Variants in GBF1 observed in about 807,000 individuals in gnomAD.
GBF1 encodes Golgi-specific brefeldin A-resistance guanine nucleotide exchange factor 1.
Under a neutral mutation model 210.5 loss-of-function variants are expected in GBF1, and 114 were observed. The observed-to-expected ratio is 0.54, with a 90% confidence interval of 0.47 to 0.63. The LOEUF (loss-of-function observed/expected upper bound fraction) is 0.63, where lower values mean the gene tolerates loss of function less well. Among genes scored for constraint, GBF1 ranks in the 30% least tolerant of loss-of-function variants. The pLI, the probability that GBF1 is intolerant of heterozygous loss-of-function variation, is 0.00. For synonymous variants in GBF1, 850 were observed against 889.2 expected (o/e 0.96, Z 0.78); for missense variants, 1,851 against 2,357.7 (o/e 0.79, Z 4.45).
rs186449947 is a variant in GBF1, at chr10:102,296,380, G to A, written c.163+36264G>A. Reference sequence around the variant, plus strand: ...TCTTCTCTCTTTTTGTAAGATGATAGGGATAAGAGATTCAGCCTTAAACTT... The same window carrying A: ...TCTTCTCTCTTTTTGTAAGATGATAAGGATAAGAGATTCAGCCTTAAACTT... On this transcript the variant is annotated intron_variant, in intron 3 of 39. Transcript: ENST00000369983. 2.6e-5 allele frequency among the ~76,000 whole-genome samples: 4 copies of A among 152,256 alleles called. No individual in the cohort carries two copies. In the East Asian group the frequency reaches 7.7e-4, roughly 29 times the overall value.
intron 3 of GBF1, among the ~76,000 whole-genome samples, chr10:102,277,600 A>T (rs2075104348): frequency 6.6e-6 from 1 of 152,110 alleles, no homozygotes; most frequent in South Asian, 2.1e-4. Context: ...GCTGGTCTCG[A>T]ACTCATGACC....
At chr10:102,291,405 A>G (rs1380853390) in intron 3 of GBF1, among the ~76,000 whole-genome samples, 1 of 152,158 alleles carries the variant, frequency 6.6e-6, no homozygotes, top group Admixed American at 6.6e-5. Context: ...AGTTGAGGAC[A>G]AGGCTGACAC....
chr10:102,379,723 C>T, intron 35 of GBF1, 72 bp downstream of exon 35: 1 of 1,557,286 alleles, frequency 6.4e-7, no homozygotes, highest in Non-Finnish European at 8.9e-7. Context: ...CCTGAAGAGC[C>T]CCTAATGTGA....
chr10:102,293,764 G>GTTTTTTTT (rs1263151407), intron 3 of GBF1, among the ~76,000 whole-genome samples: 721 of 50,844 alleles, frequency 0.014, 209 homozygotes, highest in Non-Finnish European at 0.019. Flanking sequence ...GCTGTAGTAT[G>GTTTTTTTT]TTTTGTGTTT....
In GBF1 at chr10:102,259,042, G is replaced by C; in HGVS notation, c.96+8G>C. Reference sequence around the variant, plus strand: ...AGCACCCATACACCACTGGTAAGTGGGAAATGGATAAATAGCCTGGTCACT... The same window carrying C: ...AGCACCCATACACCACTGGTAAGTGCGAAATGGATAAATAGCCTGGTCACT... On this transcript the variant is annotated splice_region_variant and intron_variant, in intron 2 of 39. Coordinates refer to ENST00000369983, the MANE Select transcript of GBF1 (RefSeq NM_001377137.1). 7.0e-7 allele frequency: 1 copy of C among 1,434,444 alleles called. No individual in the cohort carries two copies. Among genetic ancestry groups the C allele is most frequent in the Non-Finnish European group, 9.8e-7 (1 of 1,016,050 alleles). 88.9% of individuals were successfully genotyped at this position (1,434,444 alleles called of 1,614,324 possible). A position where few individuals can be genotyped will look rare whatever the true frequency, so the allele number is the denominator to read the frequency against.
At chr10:102,293,837 G>A (rs2076683413) in intron 3 of GBF1, among the ~76,000 whole-genome samples, 1 of 128,678 alleles carries the variant, frequency 7.8e-6, no homozygotes, top group Non-Finnish European at 1.6e-5. Flanking sequence ...GAGTGCAGTG[G>A]CGTGATCTCT....
chr10:102,382,259 A>C lies in GBF1; in HGVS notation c.5506A>C (p.Ile1836Leu), dbSNP rs769358166. 6 of 1,613,866 alleles carry C rather than the reference A, an allele frequency of 3.7e-6. No individual in the cohort carries two copies. Among genetic ancestry groups the C allele is most frequent in the Non-Finnish European group, 5.1e-6 (6 of 1,179,950 alleles). ...TLPIILNPAL[I>L]EATSPVPLLA... ...GCCCATCATCCTCAACCCTGCGCTC[A>C]TCGAGGCCACCTCACCAGTGCCCCT... is the stretch of plus-strand genomic sequence containing the variant. The change falls in exon 40 of 40, where the codon ATC becomes CTC. Residue 1836 changes from isoleucine (I) to leucine (L), a missense_variant. This residue lies in a region of GBF1 where 967 missense variants were observed against 1,247.7 expected (regional missense o/e 0.78). Transcript: ENST00000369983.
chr10:102,267,190 C>T (rs745472232), intron 3 of GBF1, among the ~76,000 whole-genome samples: 1 of 152,016 alleles, frequency 6.6e-6, no homozygotes, highest in Non-Finnish European at 1.5e-5. Flanking sequence ...TAGTCATTGT[C>T]AGGAAAAAGA....
rs200621054 is a variant in GBF1 at position 102,363,315 on chromosome 10, C to T, written c.1936C>T (p.His646Tyr). ...CATGGCCTCAGACATCCCAGGCCTGCATCTGCCAGGTGGAGGGCGGCTGCC... is the reference window on the plus strand; with the variant it reads ...CATGGCCTCAGACATCCCAGGCCTGTATCTGCCAGGTGGAGGGCGGCTGCC... ...VGMASDIPGL[H>Y]LPGGGRLPPE... The change falls in exon 16 of 40, where the codon CAT (histidine) becomes TAT (tyrosine). Residue 646 changes from histidine (H) to tyrosine (Y), a missense_variant. Physicochemically the swap from His to Tyr is moderately conservative, Grantham distance 83 (BLOSUM62 2). Transcript: ENST00000369983. The surrounding 1 kb of genome is among the most constrained non-coding windows in gnomAD (Gnocchi z 4.2). 15 of 1,613,830 alleles carry T rather than the reference C, an allele frequency of 9.3e-6. No individual in the cohort carries two copies. The East Asian group carries it at 2.7e-4, about 29-fold the overall frequency.
chr10:102,346,398 C>T (rs1345920308), intron 4 of GBF1, among the ~76,000 whole-genome samples: 1 of 152,232 alleles, frequency 6.6e-6, no homozygotes, highest in Non-Finnish European at 1.5e-5. Context: ...CAAAAGGTTA[C>T]ATCATTTATA....
At chr10:102,341,945 A>G (rs2058209432) in intron 3 of GBF1, among the ~76,000 whole-genome samples, 3 of 152,062 alleles carry the variant, frequency 2.0e-5, no homozygotes, top group African/African-American at 4.8e-5. Flanking sequence ...TGTCAAATAT[A>G]CCTCATGACC....
In GBF1 at chr10:102,368,079, G is replaced by C. The variant is rs542760407; in HGVS notation, c.2643-139G>C. On this transcript the variant is annotated intron_variant, in intron 21 of 39. Coordinates refer to ENST00000369983, the MANE Select transcript of GBF1 (RefSeq NM_001377137.1). ...TCTTTCTGTCTGCTCCCACTGGTGG[G>C]TGGAAAGCAGACCACTGAGCTGCAG... The C allele has an allele frequency of 1.3e-5, 9 of 690,354 alleles. No individual in the cohort carries two copies. The Middle Eastern group carries it at 1.6e-3, about 125-fold the overall frequency. 42.8% of individuals were successfully genotyped at this position (690,354 alleles called of 1,614,324 possible).
intron 3 of GBF1, among the ~76,000 whole-genome samples, chr10:102,292,726 C>T (rs1439634198): frequency 6.6e-6 from 1 of 152,098 alleles, no homozygotes; most frequent in African/African-American, 2.4e-5. Flanking sequence ...TGTCTTCCCA[C>T]ACAAGTTTGG....
At chr10:102,264,758 C>T (rs1290996184) in intron 3 of GBF1, among the ~76,000 whole-genome samples, 1 of 152,184 alleles carries the variant, frequency 6.6e-6, no homozygotes, top group East Asian at 1.9e-4. Flanking sequence ...GTTTAATGAG[C>T]AGAGAGAGGC....
At chr10:102,244,158 AC>A (rs1420070447), upstream of GBF1, among the ~76,000 whole-genome samples, 9 of 150,756 alleles carry the variant, frequency 6.0e-5, no homozygotes, top group Middle Eastern at 0.01. Context: ...AGACAAAAAA[AC>A]AAAACAAAAC....
intron 3 of GBF1, 37 bp from the exon 4 acceptor site, chr10:102,344,010 TCTTA>T: frequency 6.3e-7 from 1 of 1,588,168 alleles, no homozygotes; most frequent in Non-Finnish European, 8.6e-7. Context: ...TTTAGTTTTC[TCTTA>T]GATGATACCT....
chr10:102,320,748 G>A (rs2056313874), intron 3 of GBF1, among the ~76,000 whole-genome samples: 1 of 151,452 alleles, frequency 6.6e-6, no homozygotes, highest in African/African-American at 2.4e-5. Context: ...TTCACCTCAA[G>A]ATCATTTTAT....
chr10:102,242,953 A>G (rs989163090), upstream of GBF1, among the ~76,000 whole-genome samples: 2 of 147,468 alleles, frequency 1.4e-5, no homozygotes, highest in Admixed American at 1.3e-4. Flanking sequence ...AAAAGAGCCT[A>G]AGCCCAGTCA....
chr10:102,296,228 T>C (rs2076893567), intron 3 of GBF1, among the ~76,000 whole-genome samples: 1 of 152,190 alleles, frequency 6.6e-6, no homozygotes, highest in East Asian at 1.9e-4. Context: ...CCCCATTCAT[T>C]GCTGCTGCTT....
Sources: gnomAD v4.1 joint callset for allele counts (sites outside exome capture counted in the v4.1 genomes callset) on GRCh38, gnomAD v4.1.1 for gene constraint, gnomAD v4.1.1 regional missense constraint, Gnocchi (gnomAD v3.1) non-coding constraint, MANE v1.5 for transcripts, NCBI Gene and HGNC (gene_info 2026-07-23, HGNC 2026-07-21) for gene names.